Variants in EXOC6B observed in about 807,000 individuals in gnomAD.
The protein encoded by EXOC6B is exocyst complex component 6B.
EXOC6B carries 54 observed loss-of-function variants against 113.5 expected under a neutral mutation model. That is an observed-to-expected ratio of 0.48 (90% confidence interval 0.38 to 0.60). The LOEUF (loss-of-function observed/expected upper bound fraction) is 0.60, where lower values mean the gene tolerates loss of function less well. EXOC6B is among the 20% of genes least tolerant of loss of function. EXOC6B has a pLI of 0.00. For missense variants in EXOC6B, 797 were observed against 977.5 expected, an observed-to-expected ratio of 0.82 and a Z score of 2.46; for synonymous variants, 357 against 339.0, an observed-to-expected ratio of 1.05 and a Z score of -0.58.
chr2:72,454,570 G>C (rs1278383795), intron 18 of EXOC6B, among the ~76,000 whole-genome samples: 1 of 152,116 alleles, frequency 6.6e-6, no homozygotes, highest in East Asian at 1.9e-4. Context: ...ATTTGTAAGT[G>C]TGGAATTTTG....
At chr2:72,811,286 G>T (rs1685906351) in intron 1 of EXOC6B, among the ~76,000 whole-genome samples, 1 of 152,062 alleles carries the variant, frequency 6.6e-6, no homozygotes, top group Non-Finnish European at 1.5e-5. Flanking sequence ...ACTCCAGCTG[G>T]GTGACAGAAC....
At chr2:72,625,601 C>A (rs537904036) in intron 6 of EXOC6B, among the ~76,000 whole-genome samples, 61 of 152,248 alleles carry the variant, frequency 4.0e-4, no homozygotes, top group African/African-American at 1.4e-3. Context: ...GGAAAGAGAA[C>A]TTTTTCCTCC....
At chr2:72,554,874 T>C (rs192529566) in intron 8 of EXOC6B, among the ~76,000 whole-genome samples, 1 of 152,280 alleles carries the variant, frequency 6.6e-6, no homozygotes, top group East Asian at 1.9e-4. Flanking sequence ...TCATTTACAT[T>C]AGGTATTTCT....
chr2:72,409,857 T>G (rs1203221276), intron 18 of EXOC6B, among the ~76,000 whole-genome samples: 2 of 151,990 alleles, frequency 1.3e-5, no homozygotes, highest in Non-Finnish European at 2.9e-5. Context: ...CCCTAAAACT[T>G]AAAGTATAAT....
chr2:72,422,981 C>T (rs962787389), intron 18 of EXOC6B, among the ~76,000 whole-genome samples: 9 of 152,152 alleles, frequency 5.9e-5, no homozygotes, highest in African/African-American at 2.2e-4. Context: ...GCATTGGCAA[C>T]CTGCTCGGGT....
intron 20 of EXOC6B, among the ~76,000 whole-genome samples, chr2:72,333,353 A>G: frequency 6.6e-6 from 1 of 152,146 alleles, no homozygotes; most frequent in East Asian, 1.9e-4. Flanking sequence ...CAAAACCACA[A>G]ACTAGAGAGA....
chr2:72,199,331 A>T (rs961094636), intron 20 of EXOC6B, among the ~76,000 whole-genome samples: 6 of 152,314 alleles, frequency 3.9e-5, no homozygotes, highest in African/African-American at 1.4e-4. Context: ...CCCAGTAGGT[A>T]AGTGCTTGCT....
At chr2:72,559,635 A>T in intron 7 of EXOC6B, 114 bp from the exon 8 acceptor site, 1 of 718,184 alleles carries the variant, frequency 1.4e-6, no homozygotes, top group Non-Finnish European at 2.2e-6. Flanking sequence ...TCTAGCTTGT[A>T]AGTGAGAAAT....
chr2:72,396,573 G>C (rs1692737414), intron 18 of EXOC6B, among the ~76,000 whole-genome samples: 1 of 151,952 alleles, frequency 6.6e-6, no homozygotes. Context: ...GGTGAATTGA[G>C]AAAAACCTAC....
chr2:72,504,106 C>A (rs945778663), intron 11 of EXOC6B, among the ~76,000 whole-genome samples: 1 of 152,042 alleles, frequency 6.6e-6, no homozygotes, highest in Admixed American at 6.6e-5. Flanking sequence ...TGGTGTCTCA[C>A]TAAGTTGCCC....
At chr2:72,383,195 A>G (rs1691796167) in intron 18 of EXOC6B, among the ~76,000 whole-genome samples, 1 of 152,220 alleles carries the variant, frequency 6.6e-6, no homozygotes, top group Admixed American at 6.5e-5. Context: ...CTATCAACAG[A>G]GAAAACAGAA....
At chr2:72,623,585 T>A (rs1384110937) in intron 6 of EXOC6B, among the ~76,000 whole-genome samples, 1 of 152,102 alleles carries the variant, frequency 6.6e-6, no homozygotes, top group African/African-American at 2.4e-5. Flanking sequence ...ATTTTAACAT[T>A]CCCTTTATTA....
intron 20 of EXOC6B, among the ~76,000 whole-genome samples, chr2:72,201,172 A>G (rs1438377231): frequency 2.6e-5 from 4 of 152,078 alleles, no homozygotes; most frequent in Non-Finnish European, 5.9e-5. Flanking sequence ...TTTTCATTCA[A>G]TCTTATGTTT....
At chr2:72,406,127 G>T (rs1397026560) in intron 18 of EXOC6B, among the ~76,000 whole-genome samples, 1 of 152,172 alleles carries the variant, frequency 6.6e-6, no homozygotes, top group Non-Finnish European at 1.5e-5. Context: ...GAATGGTAAA[G>T]GGATCAATTC....
At position 72,416,250 on chromosome 2, in the gene EXOC6B, G is replaced by T. The variant is rs149732574; in HGVS notation, c.1981-36380C>A. Among the ~76,000 whole-genome samples, 102 of 152,324 alleles carry T rather than the reference G, an allele frequency of 6.7e-4. 1 individual carries two copies. The highest frequency in any genetic ancestry group is 2.3e-3 in the African/African-American group (96 of 41,570). On this transcript the variant is annotated intron_variant, in intron 18 of 21. Transcript: ENST00000272427. ...GGGAATTAGAATTCTCTCATCAAGA[G>T]AGCCAGCAAATAATTGGGGAAAATA... is the stretch of plus-strand genomic sequence containing the variant.
intron 1 of EXOC6B, among the ~76,000 whole-genome samples, chr2:72,819,322 C>T (rs1686455461): frequency 1.3e-5 from 2 of 152,050 alleles, no homozygotes; most frequent in African/African-American, 4.8e-5. Flanking sequence ...GTTGTTGTTT[C>T]TTCTTAAGTC....
At chr2:72,503,957 G>C (rs1573275542) in intron 11 of EXOC6B, among the ~76,000 whole-genome samples, 1 of 151,992 alleles carries the variant, frequency 6.6e-6, no homozygotes, top group African/African-American at 2.4e-5. Context: ...TCCCAGGCTG[G>C]ACTGCAGGGA....
chr2:72,343,742 C>T (rs1378288396), intron 19 of EXOC6B, among the ~76,000 whole-genome samples: 1 of 151,876 alleles, frequency 6.6e-6, no homozygotes, highest in African/African-American at 2.4e-5. Flanking sequence ...ATTACATATA[C>T]ATATCTGGAA....
chr2:72,214,447 C>T (rs1438898485), intron 20 of EXOC6B, among the ~76,000 whole-genome samples: 14 of 149,780 alleles, frequency 9.3e-5, no homozygotes, highest in East Asian at 2.0e-4. Context: ...GCCAAGATTG[C>T]GCCACTGCAC....
Sources: allele counts gnomAD v4.1 joint callset (sites outside exome capture counted in the v4.1 genomes callset), GRCh38; gene constraint gnomAD v4.1.1; transcripts MANE v1.5; gene names NCBI Gene and HGNC (gene_info 2026-07-23, HGNC 2026-07-21).